Variants in TMEM132B observed in about 807,000 individuals in gnomAD.
The protein encoded by TMEM132B is transmembrane protein 132B.
TMEM132B carries 18 observed loss-of-function variants against 90.8 expected under a neutral mutation model. The observed-to-expected ratio is 0.20, with a 90% CI of 0.14 to 0.29. TMEM132B has a LOEUF of 0.29. TMEM132B is among the 10% of genes least tolerant of loss of function. The pLI, the probability that TMEM132B is intolerant of heterozygous loss-of-function variation, is 1.00. For missense variants in TMEM132B, 1,096 were observed against 1,326.8 expected (o/e 0.83, Z 2.70); for synonymous variants, 504 against 523.3 (o/e 0.96, Z 0.50).
chr12:125,339,496 A>G (rs1877099224), intron 1 of TMEM132B, among the ~76,000 whole-genome samples: 1 of 152,210 alleles, frequency 6.6e-6, no homozygotes, highest in African/African-American at 2.4e-5. Flanking sequence ...AGGAGTAACT[A>G]AATTCTGACG....
At position 125,657,585 on chromosome 12, in the gene TMEM132B, A is replaced by G. The variant is rs1348494532; in HGVS notation, c.*2875A>G. The G allele has an allele frequency of 6.6e-6, 1 of 152,210 alleles. No homozygotes were observed. The highest frequency in any genetic ancestry group is 1.5e-5 in the Non-Finnish European group (1 of 68,036). 9.4% of individuals were successfully genotyped at this position (152,210 alleles called of 1,614,324 possible). On this transcript the variant is annotated 3_prime_UTR_variant, in exon 9 of 9. Coordinates refer to ENST00000682704, the MANE Select transcript of TMEM132B (RefSeq NM_001366854.1). ...TTAGGTGCTGTGCCCCAAAATATCT[A>G]AAATGGGGGTAAAGATATAAACTAT...
intron 3 of TMEM132B, among the ~76,000 whole-genome samples, chr12:125,447,462 T>C (rs1881037241): frequency 6.6e-6 from 1 of 152,250 alleles, no homozygotes; most frequent in Non-Finnish European, 1.5e-5. Context: ...TTCCTTATAA[T>C]ATGTTAATTC....
chr12:125,463,652 G>A (rs999673417), intron 3 of TMEM132B, among the ~76,000 whole-genome samples: 10 of 152,124 alleles, frequency 6.6e-5, no homozygotes, highest in African/African-American at 2.4e-4. Context: ...TCTGGGTCAT[G>A]ACCTACCTCC....
intron 1 of TMEM132B, among the ~76,000 whole-genome samples, chr12:125,189,605 G>A (rs184671638): frequency 3.0e-4 from 46 of 152,226 alleles, no homozygotes; most frequent in Non-Finnish European, 5.0e-4. Context: ...TGCAAATGTC[G>A]TCGCCTTCTC....
At chr12:125,474,161 T>C (rs979758497) in intron 3 of TMEM132B, among the ~76,000 whole-genome samples, 1 of 151,448 alleles carries the variant, frequency 6.6e-6, no homozygotes, top group Non-Finnish European at 1.5e-5. Flanking sequence ...CTTCTTTTTC[T>C]CTTTCTCTCT....
rs1343849795 is a variant in TMEM132B, at chr12:125,490,541, G to A, written c.1107-28898G>A. On this transcript the variant is annotated intron_variant, in intron 3 of 8. Coordinates refer to ENST00000682704, the MANE Select transcript of TMEM132B (RefSeq NM_001366854.1). This position sits in a 1 kb window ranked among gnomAD's most constrained non-coding sequence, Gnocchi z 4.2. ...TGCAGTGGCTTGATCTCAGCTCACT[G>A]CAAGCTCTGCCTCCCGGGTTCACAC... Among the ~76,000 whole-genome samples, 1 of 152,084 alleles carries A rather than the reference G, an allele frequency of 6.6e-6. No individual in the cohort carries two copies. The highest frequency in any genetic ancestry group is 1.5e-5 in the Non-Finnish European group (1 of 68,014).
At chr12:125,620,948 G>T (rs1326132115) in intron 5 of TMEM132B, among the ~76,000 whole-genome samples, 1 of 152,172 alleles carries the variant, frequency 6.6e-6, no homozygotes, top group East Asian at 1.9e-4. Flanking sequence ...AGATTTGGTT[G>T]GGGACACAGC....
At chr12:125,193,050 C>T (rs1593036615) in intron 1 of TMEM132B, among the ~76,000 whole-genome samples, 1 of 152,134 alleles carries the variant, frequency 6.6e-6, no homozygotes, top group African/African-American at 2.4e-5. Flanking sequence ...AGGCTGTTAG[C>T]ACAGGGCACG....
At chr12:125,400,802 C>T (rs1879297004) in intron 2 of TMEM132B, among the ~76,000 whole-genome samples, 1 of 152,228 alleles carries the variant, frequency 6.6e-6, no homozygotes, top group African/African-American at 2.4e-5. Flanking sequence ...TCCCGTGCCC[C>T]AGGCTGGGCT....
At chr12:125,651,045 T>C in intron 7 of TMEM132B, 92 bp downstream of exon 7, 4 of 1,491,006 alleles carry the variant, frequency 2.7e-6, no homozygotes, top group Non-Finnish European at 2.7e-6. Flanking sequence ...TGTGCACATG[T>C]GCATGTGGAC....
At chr12:125,220,384 A>G (rs998675084) in intron 1 of TMEM132B, among the ~76,000 whole-genome samples, 2 of 152,204 alleles carry the variant, frequency 1.3e-5, no homozygotes, top group Non-Finnish European at 2.9e-5. Context: ...AACAAAGTCT[A>G]CGGGATTTTG....
At chr12:125,193,023 A>G (rs1872832980) in intron 1 of TMEM132B, among the ~76,000 whole-genome samples, 1 of 152,178 alleles carries the variant, frequency 6.6e-6, no homozygotes, top group African/African-American at 2.4e-5. Context: ...GCTAACAACA[A>G]CAGCCTAACA....
chr12:125,455,622 C>A (rs1214891944), intron 3 of TMEM132B, among the ~76,000 whole-genome samples: 1 of 150,626 alleles, frequency 6.6e-6, no homozygotes. Flanking sequence ...TGGACCAGAT[C>A]ATTTCTACAC....
intron 1 of TMEM132B, among the ~76,000 whole-genome samples, chr12:125,191,519 G>A (rs1056105624): frequency 1.3e-5 from 2 of 152,180 alleles, no homozygotes; most frequent in Non-Finnish European, 2.9e-5. Flanking sequence ...TGTGCGGAAT[G>A]GTGTGGCCCG....
intron 1 of TMEM132B, among the ~76,000 whole-genome samples, chr12:125,291,114 C>T (rs1287576152): frequency 1.3e-5 from 2 of 152,102 alleles, no homozygotes; most frequent in Non-Finnish European, 2.9e-5. Context: ...AAGGGTGAAC[C>T]CCTCATGATG....
At chr12:125,208,090 C>T (rs1873224923) in intron 1 of TMEM132B, among the ~76,000 whole-genome samples, 1 of 152,196 alleles carries the variant, frequency 6.6e-6, no homozygotes, top group African/African-American at 2.4e-5. Flanking sequence ...CCAACTTCTT[C>T]ATTGAACAGT....
intron 4 of TMEM132B, among the ~76,000 whole-genome samples, chr12:125,575,775 A>T (rs1298826989): frequency 6.6e-6 from 1 of 151,974 alleles, no homozygotes; most frequent in Non-Finnish European, 1.5e-5. Flanking sequence ...GTTCTTTTTT[A>T]TGTGGATATC....
At chr12:125,639,610 GA>G (rs1427337056) in intron 5 of TMEM132B, among the ~76,000 whole-genome samples, 1 of 152,146 alleles carries the variant, frequency 6.6e-6, no homozygotes, top group Non-Finnish European at 1.5e-5. Context: ...TAATTATTGT[GA>G]AGAAGTACAT....
chr12:125,395,804 C>A (rs891872939), intron 2 of TMEM132B, among the ~76,000 whole-genome samples: 2 of 152,234 alleles, frequency 1.3e-5, no homozygotes, highest in African/African-American at 4.8e-5. Flanking sequence ...GGCCAGAAAG[C>A]AAGCTCTTTC....
Sources: gnomAD v4.1 joint callset for allele counts (sites outside exome capture counted in the v4.1 genomes callset) on GRCh38, gnomAD v4.1.1 for gene constraint, Gnocchi (gnomAD v3.1) non-coding constraint, MANE v1.5 for transcripts, NCBI Gene and HGNC (gene_info 2026-07-23, HGNC 2026-07-21) for gene names.